The following TNFSF11 variants were observed in gnomAD, a reference collection of about 807,000 sequenced individuals.
TNFSF11 encodes TNF superfamily member 11.
In TNFSF11, 12 loss-of-function variants were observed where a neutral mutation model predicts 32.2. The ratio of observed to expected loss-of-function variants is 0.37; its 90% confidence interval spans 0.24 to 0.60. TNFSF11 has a LOEUF of 0.60. Ranked by LOEUF, TNFSF11 falls within the 20% of genes least tolerant of loss-of-function variation. The pLI is 0.66. For missense variants in TNFSF11, 345 were observed against 398.0 expected (o/e 0.87, Z 1.13); for synonymous variants, 172 against 152.1 (o/e 1.13, Z -0.96).
chr13:42,575,183 C>T (rs1325826779), intron 1 of TNFSF11, among the ~76,000 whole-genome samples: 12 of 152,146 alleles, frequency 7.9e-5, no homozygotes, highest in Non-Finnish European at 4.4e-5. Flanking sequence ...GACAGCCCCA[C>T]GTGCCTGCTA....
At chr13:42,579,470 G>T (rs565298060) in intron 1 of TNFSF11, among the ~76,000 whole-genome samples, 3 of 151,326 alleles carry the variant, frequency 2.0e-5, no homozygotes, top group Non-Finnish European at 4.4e-5. Flanking sequence ...AAAGGGGACT[G>T]CTGCTTCTCT....
intron 1 of TNFSF11, among the ~76,000 whole-genome samples, chr13:42,578,823 G>A (rs1345737631): frequency 6.6e-6 from 1 of 152,174 alleles, no homozygotes; most frequent in Non-Finnish European, 1.5e-5. Context: ...CATCAAATCA[G>A]TAACCATTAT....
chr13:42,605,547 A>G (rs936890931), intron 4 of TNFSF11, among the ~76,000 whole-genome samples: 11 of 152,196 alleles, frequency 7.2e-5, no homozygotes, highest in African/African-American at 2.7e-4. Context: ...AGGACCTGAA[A>G]TATGAAAAGG....
At chr13:42,594,132 T>A (rs1433468434) in intron 2 of TNFSF11, among the ~76,000 whole-genome samples, 1 of 152,098 alleles carries the variant, frequency 6.6e-6, no homozygotes, top group African/African-American at 2.4e-5. Context: ...CAGGCTGGAG[T>A]GCAGTGGTGT....
intron 2 of TNFSF11, among the ~76,000 whole-genome samples, chr13:42,592,338 C>G (rs938422504): frequency 2.6e-5 from 4 of 152,166 alleles, no homozygotes; most frequent in Admixed American, 6.5e-5. Context: ...TACTCAGGTT[C>G]GGTAATATTC....
At chr13:42,570,244 C>T (rs1471251124), upstream of TNFSF11, among the ~76,000 whole-genome samples, 2 of 152,162 alleles carry the variant, frequency 1.3e-5, no homozygotes, top group Non-Finnish European at 2.9e-5. Context: ...TGACAAATAT[C>T]TCTCCCTCCT....
Position 42,606,949 on chromosome 13 carries a change from T to A in TNFSF11, c.*31T>A. 1.2e-6 allele frequency: 2 copies of A among 1,613,730 alleles called. No individual in the cohort carries two copies. The highest frequency in any genetic ancestry group is 1.7e-6 in the Non-Finnish European group (2 of 1,179,906). Reference sequence around the variant, plus strand: ...AGTTTTTGGAGTGTTATGTATTTCCTGGATGTTTGGAAACATTTTTTAAAA... The same window carrying A: ...AGTTTTTGGAGTGTTATGTATTTCCAGGATGTTTGGAAACATTTTTTAAAA... On this transcript the variant is annotated 3_prime_UTR_variant, in exon 5 of 5. Coordinates refer to ENST00000398795, the MANE Select transcript of TNFSF11 (RefSeq NM_003701.4).
At chr13:42,569,870 A>G (rs1178123638), upstream of TNFSF11, among the ~76,000 whole-genome samples, 1 of 152,228 alleles carries the variant, frequency 6.6e-6, no homozygotes, top group Non-Finnish European at 1.5e-5. Context: ...TATCAGGCCA[A>G]TTGTAGAGAT....
chr13:42,574,208 G>A lies in TNFSF11; in HGVS notation c.-96G>A. 2 of 1,490,616 alleles carry A rather than the reference G, an allele frequency of 1.3e-6. No homozygotes were observed. The highest frequency in any genetic ancestry group is 1.8e-6 in the Non-Finnish European group (2 of 1,100,080). The allele number at this position is 1,490,616 out of a possible 1,614,324, so 92.3% of individuals were successfully genotyped here. A position where few individuals can be genotyped will look rare whatever the true frequency, so the allele number is the denominator to read the frequency against. On this transcript the variant is annotated 5_prime_UTR_variant, in exon 1 of 5. Coordinates refer to ENST00000398795, the MANE Select transcript of TNFSF11 (RefSeq NM_003701.4). ...GCCGGGCTCCAAGTCGGCGCCCCAC[G>A]TCGAGGCTCCGCCGCAGCCTCCGGA...
chr13:42,596,921 G>T (rs555000088), intron 2 of TNFSF11, among the ~76,000 whole-genome samples: 2 of 152,304 alleles, frequency 1.3e-5, no homozygotes, highest in East Asian at 3.9e-4. Flanking sequence ...CTGAGGTTGG[G>T]GTCAGGGTAT....
intron 2 of TNFSF11, among the ~76,000 whole-genome samples, chr13:42,595,082 C>G (rs1405456401): frequency 6.6e-6 from 1 of 152,186 alleles, no homozygotes; most frequent in Non-Finnish European, 1.5e-5. Flanking sequence ...GAAATATCCT[C>G]ATCTCTATTG....
chr13:42,571,736 C>CAAA (rs1873076302), upstream of TNFSF11: 1 of 152,148 alleles, frequency 6.6e-6, no homozygotes, highest in Non-Finnish European at 1.5e-5. Context: ...CAAAGAATTG[C>CAAA]AGGTATGGAA....
intron 2 of TNFSF11, among the ~76,000 whole-genome samples, chr13:42,597,714 A>T (rs1868899144): frequency 6.6e-6 from 1 of 152,206 alleles, no homozygotes; most frequent in Non-Finnish European, 1.5e-5. Flanking sequence ...AATCTACTGG[A>T]TCAGAAACTC....
chr13:42,566,757 G>A (rs1872885378), exon 2 of TNFSF11: 2 of 152,196 alleles, frequency 1.3e-5, no homozygotes, highest in Non-Finnish European at 2.9e-5. Context: ...TCTTTGGGAG[G>A]CCGAGGTAAG....
rs185338022 is a variant in TNFSF11 at position 42,584,460 on chromosome 13, C to A, written c.387+3167C>A. ...TGTCCCTTAACACTTAATGTGGCTT[C>A]ACTGAACTTTTCTGCCACCTCCTGC... On this transcript the variant is annotated intron_variant, in intron 2 of 4. Coordinates refer to ENST00000398795, the MANE Select transcript of TNFSF11 (RefSeq NM_003701.4). 3.3e-5 allele frequency among the ~76,000 whole-genome samples: 5 copies of A among 152,316 alleles called. No individual in the cohort carries two copies. The East Asian group carries it at 9.6e-4, about 29-fold the overall frequency.
chr13:42,567,725 G>C (rs768286286), intron 2 of TNFSF11, among the ~76,000 whole-genome samples: 45 of 152,298 alleles, frequency 3.0e-4, no homozygotes, highest in Admixed American at 6.5e-4. Context: ...GAGATCATAA[G>C]ACTGACAGAA....
At chr13:42,564,502 G>A (rs182982383) in intron 1 of TNFSF11, among the ~76,000 whole-genome samples, 2 of 152,182 alleles carry the variant, frequency 1.3e-5, no homozygotes, top group East Asian at 3.9e-4. Context: ...AGAAGGTGAA[G>A]GTTGCGGTGA....
Position 42,577,925 on chromosome 13 carries a change from T to G in TNFSF11, c.220-3201T>G, listed in dbSNP as rs561720561. On this transcript the variant is annotated intron_variant, in intron 1 of 4. Transcript: ENST00000398795. ...CCATTTTAAGTCAGATATTCAAGAT[T>G]TACTTAATGTTTTCAGACGTGTCTA... Among the ~76,000 whole-genome samples the G allele has an allele frequency of 5.3e-5, 8 of 152,324 alleles. No individual in the cohort carries two copies. In the East Asian group the frequency reaches 1.3e-3, roughly 26 times the overall value.
chr13:42,585,642 C>G (rs1195977490), intron 2 of TNFSF11, among the ~76,000 whole-genome samples: 1 of 152,206 alleles, frequency 6.6e-6, no homozygotes, highest in East Asian at 1.9e-4. Context: ...TTGGCAGCCT[C>G]CCTGCTTCTG....
Sources: gnomAD v4.1 joint callset for allele counts (sites outside exome capture counted in the v4.1 genomes callset) on GRCh38, gnomAD v4.1.1 for gene constraint, MANE v1.5 for transcripts, NCBI Gene and HGNC (gene_info 2026-07-23, HGNC 2026-07-21) for gene names.